Variants in SLC14A2 observed in about 807,000 individuals in gnomAD.
SLC14A2 encodes the protein urea transporter 2.
A neutral mutation model predicts 104.6 loss-of-function variants in SLC14A2; 91 were observed. The ratio of observed to expected loss-of-function variants is 0.87; its 90% CI spans 0.73 to 1.04. The LOEUF is 1.04. SLC14A2 is among the 50% of genes least tolerant of loss of function. The pLI, the probability that SLC14A2 is intolerant of heterozygous loss-of-function variation, is 0.00. For synonymous variants in SLC14A2, 476 were observed against 466.4 expected (o/e 1.02, Z -0.27); for missense variants, 1,189 against 1,156.0 (o/e 1.03, Z -0.41).
chr18:45,275,880 C>T (rs1764961861), intron 1 of SLC14A2, among the ~76,000 whole-genome samples: 1 of 152,136 alleles, frequency 6.6e-6, no homozygotes, highest in South Asian at 2.1e-4. Context: ...GCAAAATATG[C>T]AGGTCATTGA....
upstream of SLC14A2, among the ~76,000 whole-genome samples, chr18:45,209,960 T>A (rs2083948481): frequency 6.6e-6 from 1 of 152,198 alleles, no homozygotes; most frequent in African/African-American, 2.4e-5. Flanking sequence ...ACCATGTGAT[T>A]ATGTCAGTAT....
At chr18:45,282,309 G>T (rs1191097882) in intron 1 of SLC14A2, among the ~76,000 whole-genome samples, 1 of 152,046 alleles carries the variant, frequency 6.6e-6, no homozygotes, top group Admixed American at 6.5e-5. Context: ...CGAGTCATAG[G>T]GTGCTCAAGA....
intron 1 of SLC14A2, among the ~76,000 whole-genome samples, chr18:45,396,397 T>C (rs1452514512): frequency 6.6e-6 from 1 of 152,180 alleles, no homozygotes; most frequent in Non-Finnish European, 1.5e-5. Flanking sequence ...TGTTAACATA[T>C]ACTCCTATGT....
At chr18:45,679,978 C>T (rs2046288536) in intron 19 of SLC14A2, among the ~76,000 whole-genome samples, 1 of 152,206 alleles carries the variant, frequency 6.6e-6, no homozygotes, top group Admixed American at 6.5e-5. Context: ...ATCATATTAT[C>T]TTTATCTCCA....
intron 1 of SLC14A2, among the ~76,000 whole-genome samples, chr18:45,250,923 A>C (rs190365084): frequency 1.4e-3 from 206 of 152,188 alleles, no homozygotes; most frequent in African/African-American, 4.7e-3. Context: ...GTCCTACCAG[A>C]AATAATATTC....
chr18:45,390,653 T>C lies in SLC14A2; in HGVS notation c.-124-92580T>C, dbSNP rs150498041. On this transcript the variant is annotated intron_variant, in intron 1 of 20. Coordinates refer to the SLC14A2 transcript ENST00000586448. ...TATATAAAGTGTTAGGAGGTGAGGG[T>C]GAATACGGAAGGGGTACAATTTCAG... Among the ~76,000 whole-genome samples, 1,002 of 152,118 alleles carry C rather than the reference T, an allele frequency of 6.6e-3. 31 individuals are homozygous for C. The highest frequency in any genetic ancestry group is 0.051 in the Admixed American group (784 of 15,286).
chr18:45,603,335 C>T (rs1170004722), intron 2 of SLC14A2, among the ~76,000 whole-genome samples: 2 of 152,106 alleles, frequency 1.3e-5, no homozygotes, highest in East Asian at 1.9e-4. Context: ...TAAGAACATG[C>T]GTGTGGTTTC....
intron 1 of SLC14A2, among the ~76,000 whole-genome samples, chr18:45,456,176 A>G (rs771562021): frequency 6.6e-6 from 1 of 152,160 alleles, no homozygotes; most frequent in Non-Finnish European, 1.5e-5. Flanking sequence ...GTCCCCAGAC[A>G]TAGCCAAATG....
At chr18:45,319,043 C>T (rs986123772) in intron 1 of SLC14A2, among the ~76,000 whole-genome samples, 1 of 152,336 alleles carries the variant, frequency 6.6e-6, no homozygotes, top group Non-Finnish European at 1.5e-5. Context: ...AGTTTCCTTG[C>T]TCCTGCCAGG....
At chr18:45,634,354 C>T (rs960686199) in intron 5 of SLC14A2, among the ~76,000 whole-genome samples, 2 of 152,124 alleles carry the variant, frequency 1.3e-5, no homozygotes, top group African/African-American at 4.8e-5. Context: ...TTGGCTAAGA[C>T]AGAAATAAAC....
At chr18:45,350,976 G>A (rs1407699085) in intron 1 of SLC14A2, among the ~76,000 whole-genome samples, 1 of 152,040 alleles carries the variant, frequency 6.6e-6, no homozygotes, top group African/African-American at 2.4e-5. Context: ...CTGGGACTGG[G>A]GCAGAGGATA....
the SLC14A2 span, among the ~76,000 whole-genome samples, chr18:45,181,547 C>A: frequency 6.6e-6 from 1 of 152,174 alleles, no homozygotes; most frequent in Non-Finnish European, 1.5e-5. Flanking sequence ...TCTTCCAAAC[C>A]TGCTTTTATC....
the SLC14A2 span, among the ~76,000 whole-genome samples, chr18:45,205,299 A>G: frequency 1.3e-5 from 2 of 152,214 alleles, no homozygotes; most frequent in Non-Finnish European, 2.9e-5. Context: ...TATAATTTAT[A>G]CAAGTACAGG....
intron 2 of SLC14A2, among the ~76,000 whole-genome samples, chr18:45,522,381 C>T (rs1388920751): frequency 6.6e-6 from 1 of 152,200 alleles, no homozygotes; most frequent in African/African-American, 2.4e-5. Context: ...CCGGAAGGTG[C>T]ACCCTTGACA....
chr18:45,670,414 A>G (rs7236093), intron 16 of SLC14A2, among the ~76,000 whole-genome samples: 54,631 of 152,040 alleles, frequency 0.36, 10,219 homozygotes, highest in East Asian at 0.48. Context: ...CGTTTTCTCC[A>G]AGGCCCTCCT....
chr18:45,296,089 CCTT>C (rs1041842206), intron 1 of SLC14A2, among the ~76,000 whole-genome samples: 2 of 152,134 alleles, frequency 1.3e-5, no homozygotes, highest in Non-Finnish European at 2.9e-5. Context: ...TGAAGCCTCA[CCTT>C]CTATTTGCAT....
At position 45,530,531 on chromosome 18, in the gene SLC14A2, A is replaced by G. The variant is rs1022450994; in HGVS notation, c.-35+47209A>G. Among the ~76,000 whole-genome samples, 13 of 152,214 alleles carry G rather than the reference A, an allele frequency of 8.5e-5. 1 individual carries two copies. The East Asian group carries it at 1.9e-3, about 23-fold the overall frequency. ...CAGCACCTCTCATAACCCACTTGCTATTCAGGTTCTCCATATCTAGTCTTC... is the reference window on the plus strand; with the variant it reads ...CAGCACCTCTCATAACCCACTTGCTGTTCAGGTTCTCCATATCTAGTCTTC... On this transcript the variant is annotated intron_variant, in intron 2 of 20. Coordinates refer to the SLC14A2 transcript ENST00000586448.
intron 2 of SLC14A2, among the ~76,000 whole-genome samples, chr18:45,522,412 G>A (rs935355729): frequency 6.6e-6 from 1 of 152,284 alleles, no homozygotes; most frequent in African/African-American, 2.4e-5. Context: ...GGGAGAGTTT[G>A]AGCCCTGCCA....
At chr18:45,341,337 C>T (rs535420023) in intron 1 of SLC14A2, among the ~76,000 whole-genome samples, 1 of 152,140 alleles carries the variant, frequency 6.6e-6, no homozygotes, top group Non-Finnish European at 1.5e-5. Flanking sequence ...TGCAAATTTG[C>T]CTGCTCACTA....
Sources: gnomAD v4.1 joint callset for allele counts (sites outside exome capture counted in the v4.1 genomes callset) on GRCh38, gnomAD v4.1.1 for gene constraint, MANE v1.5 for transcripts, NCBI Gene and HGNC (gene_info 2026-07-23, HGNC 2026-07-21) for gene names.